Variants in PARN observed in about 807,000 individuals in gnomAD.
PARN encodes the protein poly(A)-specific ribonuclease PARN.
In PARN, 71 loss-of-function variants were observed where a neutral mutation model predicts 102.8. The ratio of observed to expected loss-of-function variants is 0.69; its 90% CI spans 0.57 to 0.84. The LOEUF is 0.84. Among genes scored for constraint, PARN ranks in the 40% least tolerant of loss-of-function variants. The pLI, the probability that PARN is intolerant of heterozygous loss-of-function variation, is 0.00. For synonymous variants in PARN, 261 were observed against 252.9 expected, an observed-to-expected ratio of 1.03 and a Z score of -0.30; for missense variants, 782 against 760.9, an observed-to-expected ratio of 1.03 and a Z score of -0.33.
At chr16:14,534,839 T>C (rs1260864400) in intron 21 of PARN, among the ~76,000 whole-genome samples, 4 of 151,828 alleles carry the variant, frequency 2.6e-5, no homozygotes, top group Non-Finnish European at 5.9e-5. Context: ...CTAAATTTTT[T>C]TTTTTTTTTT....
At chr16:14,614,393 T>G (rs1971730377) in intron 6 of PARN, among the ~76,000 whole-genome samples, 1 of 152,154 alleles carries the variant, frequency 6.6e-6, no homozygotes, top group Admixed American at 6.5e-5. Context: ...ACCAGAGCAT[T>G]TGCTGGTTAT....
At chr16:14,603,657 T>G (rs930899929) in intron 11 of PARN, among the ~76,000 whole-genome samples, 1 of 152,188 alleles carries the variant, frequency 6.6e-6, no homozygotes. Context: ...CAACATCTCC[T>G]AGCTAGGTTA....
At chr16:14,490,255 G>A (rs1963988459) in intron 21 of PARN, among the ~76,000 whole-genome samples, 1 of 152,178 alleles carries the variant, frequency 6.6e-6, no homozygotes, top group African/African-American at 2.4e-5. Context: ...GCATTATCCT[G>A]GCTTTATAGA....
chr16:14,442,579 T>A (rs2151551446), intron 23 of PARN, among the ~76,000 whole-genome samples: 1 of 152,280 alleles, frequency 6.6e-6, no homozygotes, highest in African/African-American at 2.4e-5. Flanking sequence ...ACTGGTTACT[T>A]GGCTTTCCCT....
chr16:14,616,618 G>C (rs1971919976), intron 6 of PARN, among the ~76,000 whole-genome samples: 1 of 152,100 alleles, frequency 6.6e-6, no homozygotes, highest in African/African-American at 2.4e-5. Flanking sequence ...CTGGTGCACA[G>C]CTGTAGTTCC....
chr16:14,467,359 T>C (rs1962423417), intron 22 of PARN, among the ~76,000 whole-genome samples: 1 of 152,140 alleles, frequency 6.6e-6, no homozygotes, highest in African/African-American at 2.4e-5. Flanking sequence ...AGCTGTAACA[T>C]CAAGAAACAC....
intron 5 of PARN, among the ~76,000 whole-genome samples, chr16:14,625,923 A>G (rs1482022475): frequency 6.6e-6 from 1 of 152,220 alleles, no homozygotes; most frequent in Non-Finnish European, 1.5e-5. Context: ...CCACACAACC[A>G]TACCCCTTAC....
chr16:14,554,908 T>C (rs1967564211), intron 19 of PARN, among the ~76,000 whole-genome samples: 1 of 152,224 alleles, frequency 6.6e-6, no homozygotes, highest in Non-Finnish European at 1.5e-5. Flanking sequence ...ATAATCTTGC[T>C]TTCTAATCCC....
chr16:14,440,550 C>T (rs1011534501), intron 23 of PARN, among the ~76,000 whole-genome samples: 6 of 152,182 alleles, frequency 3.9e-5, no homozygotes, highest in African/African-American at 1.2e-4. Context: ...AAAACCTGTA[C>T]ACAAATATTT....
chr16:14,447,042 A>T lies in PARN; in HGVS notation c.1710T>A (p.Ser570Arg), dbSNP rs1430712816. The T allele has an allele frequency of 3.7e-6, 6 of 1,613,742 alleles. No homozygotes were observed. Among genetic ancestry groups the T allele is most frequent in the Middle Eastern group, 1.7e-4 (1 of 6,060 alleles). Residue 570 changes from serine to arginine, a missense_variant, in exon 23 of 24, where the codon AGT (serine) becomes AGA (arginine). Physicochemically the swap from Ser to Arg is moderately radical, Grantham distance 110 (BLOSUM62 -1). Transcript: ENST00000437198. ...CCAGGCCAGCTTCCTCTTGACTAGGACTCAAATTTCTCTTTCCTACTGTGC... is the reference window on the plus strand; with the variant it reads ...CCAGGCCAGCTTCCTCTTGACTAGGTCTCAAATTTCTCTTTCCTACTGTGC... ...APSTVGKRNL[S>R]PSQEEAGLED... is the part of the protein sequence containing the mutation.
At chr16:14,548,675 C>T (rs528873228) in intron 21 of PARN, among the ~76,000 whole-genome samples, 2 of 152,242 alleles carry the variant, frequency 1.3e-5, no homozygotes, top group Admixed American at 1.3e-4. Flanking sequence ...ACATCAGAGG[C>T]CGGGTGCAGT....
At position 14,446,856 on chromosome 16, in the gene PARN, G is replaced by A. The variant is rs980652310; in HGVS notation, c.1864+32C>T. On this transcript the variant is annotated intron_variant, in intron 23 of 23. Transcript: ENST00000437198. Reference sequence around the variant, plus strand: ...TTCTAGAGCATTTAAATAGTCCACGGCCCCAGAACTTCGGCAAGATCCAAT... The same window carrying A: ...TTCTAGAGCATTTAAATAGTCCACGACCCCAGAACTTCGGCAAGATCCAAT... 1.9e-6 allele frequency: 3 copies of A among 1,538,510 alleles called. No individual in the cohort carries two copies. The Admixed American group carries it at 5.4e-5, about 27-fold the overall frequency.
intron 11 of PARN, 37 bp from the exon 12 acceptor site, chr16:14,599,997 T>C (rs896502024): frequency 5.1e-6 from 6 of 1,183,452 alleles, no homozygotes; most frequent in South Asian, 4.3e-5. Context: ...ATTATTGATG[T>C]ATAAATATTC....
intron 21 of PARN, among the ~76,000 whole-genome samples, chr16:14,532,163 T>C (rs1464591129): frequency 1.3e-5 from 2 of 151,682 alleles, no homozygotes; most frequent in Non-Finnish European, 2.9e-5. Flanking sequence ...AGGCACAAGA[T>C]TCAAACTCTG....
At chr16:14,576,456 A>C (rs1024527327) in intron 18 of PARN, among the ~76,000 whole-genome samples, 2 of 152,216 alleles carry the variant, frequency 1.3e-5, no homozygotes, top group African/African-American at 4.8e-5. Flanking sequence ...AAAAGGGTCA[A>C]GGTGTCTTGA....
chr16:14,512,454 C>G (rs1439735302), intron 21 of PARN, among the ~76,000 whole-genome samples: 1 of 152,138 alleles, frequency 6.6e-6, no homozygotes, highest in African/African-American at 2.4e-5. Flanking sequence ...GATCACACCA[C>G]TGCACTTCAG....
intron 18 of PARN, among the ~76,000 whole-genome samples, chr16:14,578,236 G>A (rs973444976): frequency 1.4e-5 from 2 of 146,090 alleles, no homozygotes; most frequent in Non-Finnish European, 3.0e-5. Context: ...GGCTGAGGCA[G>A]GAGAATCACT....
intron 19 of PARN, 45 bp from the exon 20 acceptor site, chr16:14,554,196 T>G: frequency 1.5e-6 from 2 of 1,312,366 alleles, no homozygotes; most frequent in Non-Finnish European, 2.2e-6. Flanking sequence ...TGAAAAGTGA[T>G]CAAGTAAACC....
At chr16:14,462,109 T>C (rs1014449244) in intron 22 of PARN, among the ~76,000 whole-genome samples, 6 of 152,216 alleles carry the variant, frequency 3.9e-5, no homozygotes, top group African/African-American at 1.4e-4. Context: ...CTGAAATCCA[T>C]GCATATCAGA....
Sources: allele counts gnomAD v4.1 joint callset (sites outside exome capture counted in the v4.1 genomes callset), GRCh38; gene constraint gnomAD v4.1.1; transcripts MANE v1.5; gene names NCBI Gene and HGNC (gene_info 2026-07-23, HGNC 2026-07-21).